ZNF804A: variants seen among roughly 807,000 people sequenced by gnomAD.
ZNF804A encodes the protein zinc finger protein 804A.
In ZNF804A, 2 loss-of-function variants were observed where a neutral mutation model predicts 16.5. That is an observed-to-expected ratio of 0.12 (90% CI 0.05 to 0.38). The LOEUF (loss-of-function observed/expected upper bound fraction) is 0.38, where lower values mean the gene tolerates loss of function less well. Among genes scored for constraint, ZNF804A ranks in the 10% least tolerant of loss-of-function variants. The pLI, the probability that ZNF804A is intolerant of heterozygous loss-of-function variation, is 0.99. For synonymous variants in ZNF804A, 534 were observed against 489.6 expected, an observed-to-expected ratio of 1.09 and a Z score of -1.20; for missense variants, 1,473 against 1,390.7, an observed-to-expected ratio of 1.06 and a Z score of -0.94.
At chr2:184,734,218 C>T (rs555163849) in intron 1 of ZNF804A, among the ~76,000 whole-genome samples, 2 of 152,144 alleles carry the variant, frequency 1.3e-5, no homozygotes, top group East Asian at 1.9e-4. Context: ...CAGGCATATT[C>T]CAGCATTTCC....
chr2:184,757,653 T>C (rs1693979939), intron 1 of ZNF804A, among the ~76,000 whole-genome samples: 1 of 151,990 alleles, frequency 6.6e-6, no homozygotes, highest in Non-Finnish European at 1.5e-5. Context: ...TCATTATAGT[T>C]TGAAGAGTAG....
chr2:184,775,976 C>A (rs11887478), intron 1 of ZNF804A, among the ~76,000 whole-genome samples: 11,159 of 151,504 alleles, frequency 0.074, 1,381 homozygotes, highest in African/African-American at 0.25. Flanking sequence ...TCATAACAGT[C>A]ATTAATAGTG....
At chr2:184,609,153 GGCTT>G (rs1441824774) in intron 1 of ZNF804A, among the ~76,000 whole-genome samples, 1 of 152,154 alleles carries the variant, frequency 6.6e-6, no homozygotes, top group African/African-American at 2.4e-5. Context: ...GGGAGTTCTG[GGCTT>G]CTTGTGGTGA....
chr2:184,793,625 G>A (rs935150060), intron 1 of ZNF804A, among the ~76,000 whole-genome samples: 6 of 152,028 alleles, frequency 3.9e-5, no homozygotes, highest in Non-Finnish European at 8.8e-5. Flanking sequence ...GGTTACATGA[G>A]TAAGTTCTTT....
chr2:184,894,257 A>G (rs1266446716), intron 2 of ZNF804A, among the ~76,000 whole-genome samples: 1 of 152,156 alleles, frequency 6.6e-6, no homozygotes, highest in African/African-American at 2.4e-5. Flanking sequence ...GCCAACCCAC[A>G]TGCCATTAAG....
At chr2:184,786,508 T>C (rs1694451146) in intron 1 of ZNF804A, among the ~76,000 whole-genome samples, 1 of 152,018 alleles carries the variant, frequency 6.6e-6, no homozygotes, top group Admixed American at 6.6e-5. Context: ...TATTTCCTCC[T>C]TCGTATAAAT....
Position 184,817,096 on chromosome 2 carries a change from G to C in ZNF804A, c.112-49273G>C, listed in dbSNP as rs117533872. On this transcript the variant is annotated intron_variant, in intron 1 of 3. Coordinates refer to ENST00000302277, the MANE Select transcript of ZNF804A (RefSeq NM_194250.2). The stretch of plus-strand genomic sequence containing the variant: ...AAAGCAAGAAGACCAGTAAAACCAT[G>C]AGCATTTGGAGAAGTGGTCATGGTA... Among the ~76,000 whole-genome samples, 220 of 152,030 alleles carry C rather than the reference G, an allele frequency of 1.4e-3. 2 individuals carry two copies. In the East Asian group the frequency reaches 0.037, roughly 25 times the overall value.
At chr2:184,654,166 C>T (rs1692037317) in intron 1 of ZNF804A, among the ~76,000 whole-genome samples, 1 of 152,236 alleles carries the variant, frequency 6.6e-6, no homozygotes, top group South Asian at 2.1e-4. Context: ...ATATCTTCAG[C>T]TTTTGCTATA....
chr2:184,929,241 C>T (rs1462604736), intron 2 of ZNF804A, among the ~76,000 whole-genome samples: 5 of 152,138 alleles, frequency 3.3e-5, no homozygotes, highest in African/African-American at 9.7e-5. Flanking sequence ...AATTGACTGA[C>T]TCCTCAATAT....
intron 1 of ZNF804A, among the ~76,000 whole-genome samples, chr2:184,629,459 A>G (rs1453860570): frequency 6.6e-6 from 1 of 152,142 alleles, no homozygotes; most frequent in Non-Finnish European, 1.5e-5. Flanking sequence ...TATTTTTCAA[A>G]GTTTTATGTG....
intron 2 of ZNF804A, among the ~76,000 whole-genome samples, chr2:184,915,548 T>C (rs530870599): frequency 6.6e-6 from 1 of 152,142 alleles, no homozygotes; most frequent in Non-Finnish European, 1.5e-5. Context: ...ACTGCCATCC[T>C]ATGTGAATTC....
chr2:184,648,815 T>C (rs1691928325), intron 1 of ZNF804A, among the ~76,000 whole-genome samples: 1 of 152,142 alleles, frequency 6.6e-6, no homozygotes, highest in African/African-American at 2.4e-5. Context: ...AGAAAATACT[T>C]ACACAGCTAC....
At chr2:184,812,238 C>T (rs1159267432) in intron 1 of ZNF804A, among the ~76,000 whole-genome samples, 1 of 152,122 alleles carries the variant, frequency 6.6e-6, no homozygotes, top group African/African-American at 2.4e-5. Context: ...CATGTCTTTT[C>T]TAGTCCTGCT....
chr2:184,704,310 G>A (rs1692984115), intron 1 of ZNF804A, among the ~76,000 whole-genome samples: 1 of 151,866 alleles, frequency 6.6e-6, no homozygotes. Context: ...GCTCCAACAT[G>A]CCTGACTAAT....
intron 1 of ZNF804A, among the ~76,000 whole-genome samples, chr2:184,748,839 G>A (rs1008712965): frequency 3.6e-4 from 55 of 151,402 alleles, no homozygotes; most frequent in Non-Finnish European, 7.4e-4. Context: ...TGATTGAATA[G>A]GGAGTCCTTT....
chr2:184,653,899 G>A (rs73978036), intron 1 of ZNF804A, among the ~76,000 whole-genome samples: 4,767 of 152,190 alleles, frequency 0.031, 256 homozygotes, highest in African/African-American at 0.11. Flanking sequence ...GGAAAATTGC[G>A]TCTCCCTGGT....
intron 1 of ZNF804A, among the ~76,000 whole-genome samples, chr2:184,730,516 T>C (rs1415740905): frequency 2.0e-5 from 3 of 152,174 alleles, no homozygotes; most frequent in Non-Finnish European, 4.4e-5. Context: ...CTAAAAAATA[T>C]TTTGTGCTGT....
rs1231774388 is a variant in ZNF804A at position 184,814,023 on chromosome 2, G to GTTTTTTTTT, written c.112-52346_112-52345insTTTTTTTTT. Among the ~76,000 whole-genome samples the GTTTTTTTTT allele has an allele frequency of 4.6e-5, 5 of 109,336 alleles. 1 individual carries two copies. Among genetic ancestry groups the GTTTTTTTTT allele is most frequent in the Admixed American group, 1.1e-4 (1 of 9,136 alleles). 71.7% of individuals were successfully genotyped at this position (109,336 alleles called of 152,430 possible). ...TTTTTTTTTTTTTTTTTTTTTTTTG[G>GTTTTTTTTT]CTTGTCTACTACTCTGTTCCAAGCA... On this transcript the variant is annotated intron_variant, in intron 1 of 3. Coordinates refer to ENST00000302277, the MANE Select transcript of ZNF804A (RefSeq NM_194250.2).
At chr2:184,804,977 G>A (rs1039039081) in intron 1 of ZNF804A, among the ~76,000 whole-genome samples, 10 of 152,278 alleles carry the variant, frequency 6.6e-5, no homozygotes, top group Admixed American at 2.0e-4. Context: ...CAGATTTTCT[G>A]ATTTAGTAGG....
Sources: gnomAD v4.1 joint callset for allele counts (sites outside exome capture counted in the v4.1 genomes callset) on GRCh38, gnomAD v4.1.1 for gene constraint, MANE v1.5 for transcripts, NCBI Gene and HGNC (gene_info 2026-07-23, HGNC 2026-07-21) for gene names.